The following PPIL3 variants were observed in gnomAD, a reference collection of about 807,000 sequenced individuals.
PPIL3 encodes the protein peptidyl-prolyl cis-trans isomerase-like 3.
A neutral mutation model predicts 20.9 loss-of-function variants in PPIL3; 13 were observed. That is an observed-to-expected ratio of 0.62 (90% CI 0.40 to 0.99). The LOEUF is 0.99. Ranked by LOEUF, PPIL3 falls within the 50% of genes least tolerant of loss-of-function variation. PPIL3 has a pLI of 0.00. For synonymous variants in PPIL3, 71 were observed against 64.4 expected (o/e 1.10, Z -0.49); for missense variants, 170 against 195.2 (o/e 0.87, Z 0.77).
chr2:200,873,586 C>T (rs1038297608), intron 6 of PPIL3, among the ~76,000 whole-genome samples: 4 of 152,018 alleles, frequency 2.6e-5, no homozygotes, highest in Admixed American at 6.6e-5. Flanking sequence ...CCAGCAATCC[C>T]ACTTCATGTT....
intron 6 of PPIL3, among the ~76,000 whole-genome samples, chr2:200,876,501 TCTTTC>T (rs1202013931): frequency 6.6e-6 from 1 of 151,638 alleles, no homozygotes; most frequent in Non-Finnish European, 1.5e-5. Context: ...ACTCTTCTTT[TCTTTC>T]TTTTCTTTTC....
chr2:200,874,949 C>T (rs903177772), intron 6 of PPIL3, among the ~76,000 whole-genome samples: 5 of 152,044 alleles, frequency 3.3e-5, no homozygotes, highest in Non-Finnish European at 5.9e-5. Context: ...GACTGGGAGT[C>T]CTCTATTTTT....
chr2:200,880,426 G>C lies in PPIL3; in HGVS notation c.240+995C>G, dbSNP rs1559339433. ...TGAGTAGACTTTTTTTTTTTTTTGA[G>C]TGGGGTCTCGTTCTGTGCATGATCT... On this transcript the variant is annotated intron_variant, in intron 5 of 6. Transcript: ENST00000392283. Among the ~76,000 whole-genome samples, 2 of 74,612 alleles carry C rather than the reference G, an allele frequency of 2.7e-5. 1 individual carries two copies. The highest frequency in any genetic ancestry group is 3.0e-4 in the African/African-American group (2 of 6,742). The allele number at this position is 74,612 out of a possible 152,430, so 48.9% of individuals were successfully genotyped here. A position where few individuals can be genotyped will look rare whatever the true frequency, so the allele number is the denominator to read the frequency against.
intron 1 of PPIL3, among the ~76,000 whole-genome samples, chr2:200,888,054 CAAAA>C (rs59288201): frequency 2.9e-5 from 3 of 103,072 alleles, no homozygotes; most frequent in Non-Finnish European, 1.9e-5. Context: ...GAGACTCCGT[CAAAA>C]AAAAAAAAAA....
Position 200,878,129 on chromosome 2 carries a change from A to G in PPIL3, c.241-1092T>C, listed in dbSNP as rs529256917. On this transcript the variant is annotated intron_variant, in intron 5 of 6. Transcript: ENST00000392283. The stretch of plus-strand genomic sequence containing the variant: ...CAATCAAATGTAATATTAAATACAC[A>G]TGTAATATTTAATACATACACAATA... Among the ~76,000 whole-genome samples the G allele has an allele frequency of 1.8e-3, 272 of 152,338 alleles. 2 individuals carry two copies. Among genetic ancestry groups the G allele is most frequent in the African/African-American group, 6.1e-3 (255 of 41,576 alleles).
intron 5 of PPIL3, among the ~76,000 whole-genome samples, chr2:200,880,268 G>A (rs1255554350): frequency 1.3e-5 from 2 of 152,022 alleles, no homozygotes; most frequent in Non-Finnish European, 1.5e-5. Flanking sequence ...TTTAAAAAAA[G>A]CAAAAAGAAA....
At chr2:200,884,237 T>C (rs1363649320) in intron 3 of PPIL3, among the ~76,000 whole-genome samples, 2 of 151,916 alleles carry the variant, frequency 1.3e-5, no homozygotes. Context: ...ACCCCATCTC[T>C]ACTAAAAATA....
intron 4 of PPIL3, chr2:200,881,728 G>C (rs2039735073): frequency 4.4e-6 from 2 of 454,046 alleles, no homozygotes; most frequent in Non-Finnish European, 7.8e-6. Flanking sequence ...AGTATGAAAA[G>C]CTTCACAAAT....
At chr2:200,885,635 CA>C in intron 3 of PPIL3, 62 bp downstream of exon 3, 1 of 1,055,878 alleles carries the variant, frequency 9.5e-7, no homozygotes, top group Non-Finnish European at 1.4e-6. Flanking sequence ...TTAGATTATT[CA>C]ATTCCAAAGT....
intron 4 of PPIL3, 152 bp from the exon 5 acceptor site, chr2:200,881,640 C>T (rs2039730464): frequency 1.6e-6 from 1 of 614,720 alleles, no homozygotes; most frequent in Non-Finnish European, 2.8e-6. Context: ...TTTAACTTCA[C>T]AGACCTGAAG....
At position 200,882,232 on chromosome 2, in the gene PPIL3, AAAC is replaced by A. The variant is rs1468873038; in HGVS notation, c.172+107_172+109del. Reference sequence around the variant, plus strand: ...CTGTACTTGTAGAACAGAACTTATTAAACAAAACAAAACAAAACAAAAACTCCA... The same window carrying A: ...CTGTACTTGTAGAACAGAACTTATTAAAAACAAAACAAAACAAAAACTCCA... On this transcript the variant is annotated intron_variant, in intron 4 of 6. Transcript: ENST00000392283. The A allele has an allele frequency of 1.8e-5, 14 of 761,558 alleles. No individual in the cohort carries two copies. The African/African-American group carries it at 2.4e-4, about 13-fold the overall frequency. The allele number at this position is 761,558 out of a possible 1,614,324, so 47.2% of individuals were successfully genotyped here. A position where few individuals can be genotyped will look rare whatever the true frequency, so the allele number is the denominator to read the frequency against.
chr2:200,885,919 G>C, intron 2 of PPIL3, 147 bp from the exon 3 acceptor site: 1 of 532,662 alleles, frequency 1.9e-6, no homozygotes, highest in Non-Finnish European at 3.3e-6. Flanking sequence ...CCACAAAGCA[G>C]CTCTTAGAGG....
Position 200,871,409 on chromosome 2 carries a change from G to C in PPIL3, c.472C>G (p.Pro158Ala), listed in dbSNP as rs761508174. 1.2e-6 allele frequency: 2 copies of C among 1,610,994 alleles called. No individual in the cohort carries two copies. Among genetic ancestry groups the C allele is most frequent in the Admixed American group, 1.7e-5 (1 of 59,592 alleles). ...HIKDITIHAN[P>A]FAQ The stretch of plus-strand genomic sequence containing the variant: ...GTCTATCATAGCTACTGAGCAAATG[G>C]GTTGGCATGAATAGTTATGTCCTTA... Residue 158 changes from proline to alanine, a missense_variant, in exon 7 of 7, where the codon CCA (proline) becomes GCA (alanine). Pro to Ala is a conservative substitution (Grantham distance 27). Coordinates refer to ENST00000392283, the MANE Select transcript of PPIL3 (RefSeq NM_130906.3).
chr2:200,881,735 A>C, intron 4 of PPIL3: 1 of 450,766 alleles, frequency 2.2e-6, no homozygotes, highest in East Asian at 3.9e-5. Flanking sequence ...AAAGCTTCAC[A>C]AATTTGTGTC....
At chr2:200,886,841 A>T (rs1366016982) in intron 2 of PPIL3, 2 of 152,036 alleles carry the variant, frequency 1.3e-5, no homozygotes, top group African/African-American at 4.8e-5. Context: ...TTGTTTTTTT[A>T]AAAGTAGAGA....
At chr2:200,883,575 A>G (rs1257953884) in intron 3 of PPIL3, among the ~76,000 whole-genome samples, 2 of 151,834 alleles carry the variant, frequency 1.3e-5, no homozygotes, top group Non-Finnish European at 2.9e-5. Flanking sequence ...GCAACATAGT[A>G]AGACCTCATC....
chr2:200,885,697 C>G lies in PPIL3; in HGVS notation c.78+1G>C. 6.5e-7 allele frequency: 1 copy of G among 1,532,238 alleles called. No homozygotes were observed. The allele number at this position is 1,532,238 out of a possible 1,614,324, so 94.9% of individuals were successfully genotyped here. A position where few individuals can be genotyped will look rare whatever the true frequency, so the allele number is the denominator to read the frequency against. On this transcript the variant is annotated splice_donor_variant, in intron 3 of 6. Coordinates refer to ENST00000392283, the MANE Select transcript of PPIL3 (RefSeq NM_130906.3). LOFTEE classifies it high-confidence loss of function. ...TTGAATATGTAAATAATAGTACTTA[C>G]CTCACATGTTTTGGGTGTCCTCTCA...
At chr2:200,873,079 C>T (rs1193316759) in intron 6 of PPIL3, among the ~76,000 whole-genome samples, 1 of 152,128 alleles carries the variant, frequency 6.6e-6, no homozygotes, top group African/African-American at 2.4e-5. Flanking sequence ...AGCATGTTGG[C>T]CAGGCTGGTC....
rs61730410 is a variant in PPIL3, at chr2:200,876,929, C to T, written c.349G>A (p.Val117Ile). Residue 117 changes from valine to isoleucine, a missense_variant, in exon 6 of 7, where the codon GTA becomes ATA. Val to Ile is a conservative substitution (Grantham distance 29). Coordinates refer to ENST00000392283, the MANE Select transcript of PPIL3 (RefSeq NM_130906.3). ...AACCAGAATACTCACTTTCCAAATA[C>T]GGTGTATTTCATGTCCAAATGTGGC... ...KQPHLDMKYTVFGKVIDGLET... is the reference protein window; with the variant it reads ...KQPHLDMKYTIFGKVIDGLET... 1.6e-5 allele frequency: 25 copies of T among 1,601,412 alleles called. No homozygotes were observed. The highest frequency in any genetic ancestry group is 1.5e-4 in the African/African-American group (11 of 74,596).
Sources: allele counts gnomAD v4.1 joint callset (sites outside exome capture counted in the v4.1 genomes callset), GRCh38; gene constraint gnomAD v4.1.1; transcripts MANE v1.5; gene names NCBI Gene and HGNC (gene_info 2026-07-23, HGNC 2026-07-21).